The following ARHGAP25 variants were observed in gnomAD, a reference collection of about 807,000 sequenced individuals.
ARHGAP25 encodes the protein Rho GTPase activating protein 25.
A neutral mutation model predicts 71.0 loss-of-function variants in ARHGAP25; 34 were observed. The ratio of observed to expected loss-of-function variants is 0.48; its 90% CI spans 0.36 to 0.64. The LOEUF is 0.64. Among genes scored for constraint, ARHGAP25 ranks in the 30% least tolerant of loss-of-function variants. The pLI is 0.00. For synonymous variants in ARHGAP25, 282 were observed against 296.5 expected (o/e 0.95, Z 0.50); for missense variants, 706 against 805.1 (o/e 0.88, Z 1.49).
At chr2:68,753,755 T>C (rs1256900328) in intron 1 of ARHGAP25, among the ~76,000 whole-genome samples, 2 of 152,258 alleles carry the variant, frequency 1.3e-5, no homozygotes, top group East Asian at 3.9e-4. Context: ...TATCACTTAA[T>C]TTTTTTCATT....
At chr2:68,782,097 C>A (rs565461737) in intron 2 of ARHGAP25, 136 bp from the exon 3 acceptor site, 3 of 733,406 alleles carry the variant, frequency 4.1e-6, no homozygotes, top group South Asian at 3.7e-5. Flanking sequence ...CCCATTAAAA[C>A]TGGGAGGCTA....
At chr2:68,741,385 T>C (rs1675514899) in intron 1 of ARHGAP25, among the ~76,000 whole-genome samples, 1 of 152,200 alleles carries the variant, frequency 6.6e-6, no homozygotes, top group African/African-American at 2.4e-5. Context: ...CAGTGCTTCC[T>C]CCTTTCTAGT....
In ARHGAP25 at chr2:68,826,287, T is replaced by C. The variant is rs1682129788; in HGVS notation, c.*93T>C. The C allele has an allele frequency of 1.7e-6, 2 of 1,174,124 alleles. No individual in the cohort carries two copies. Among genetic ancestry groups the C allele is most frequent in the Non-Finnish European group, 2.5e-6 (2 of 790,012 alleles). 72.7% of individuals were successfully genotyped at this position (1,174,124 alleles called of 1,614,324 possible). ...TGATGACGGGGAAACAAAATTATTCTCTGAGAGGGAAAGGACATTTGAGGG... is the reference window on the plus strand; with the variant it reads ...TGATGACGGGGAAACAAAATTATTCCCTGAGAGGGAAAGGACATTTGAGGG... On this transcript the variant is annotated 3_prime_UTR_variant, in exon 11 of 11. Coordinates refer to ENST00000409202, the MANE Select transcript of ARHGAP25 (RefSeq NM_001007231.3).
chr2:68,789,201 C>CT (rs1219203753), intron 4 of ARHGAP25, among the ~76,000 whole-genome samples: 2 of 151,854 alleles, frequency 1.3e-5, no homozygotes, highest in African/African-American at 4.8e-5. Context: ...CCTGGCTAAT[C>CT]TTTTTTTGTA....
In ARHGAP25 at chr2:68,822,731, C is replaced by A; in HGVS notation, c.1592C>A (p.Thr531Asn). The A allele has an allele frequency of 6.2e-7, 1 of 1,614,230 alleles. No homozygotes were observed. Among genetic ancestry groups the A allele is most frequent in the Admixed American group, 1.7e-5 (1 of 60,038 alleles). ...CAAGCCTGTGACTCCAAGGGAGATA[C>A]TCTTGCCAGTCCAAACTCTGAAACT... ...SSQACDSKGDTLASPNSETGP... is the reference protein window; with the variant it reads ...SSQACDSKGDNLASPNSETGP... Residue 531 changes from threonine (T) to asparagine (N), a missense_variant, in exon 10 of 11, where the codon ACT becomes AAT. Transcript: ENST00000409202.
intron 9 of ARHGAP25, 85 bp downstream of exon 9, chr2:68,819,404 A>G (rs758380401): frequency 1.4e-6 from 2 of 1,466,652 alleles, no homozygotes; most frequent in South Asian, 1.1e-5. Flanking sequence ...TCGGGTGGCA[A>G]TTTGGGGAGT....
intron 3 of ARHGAP25, among the ~76,000 whole-genome samples, chr2:68,784,367 T>A (rs2104394815): frequency 6.6e-6 from 1 of 152,360 alleles, no homozygotes; most frequent in Middle Eastern, 3.4e-3. Context: ...TATCATCCTC[T>A]TTTGCAAGAT....
intron 3 of ARHGAP25, among the ~76,000 whole-genome samples, chr2:68,784,002 A>C (rs1481159972): frequency 1.3e-5 from 2 of 152,154 alleles, no homozygotes; most frequent in African/African-American, 4.8e-5. Flanking sequence ...GATCCAGCTG[A>C]AGATTCACTG....
At chr2:68,713,183 C>G (rs1329121573) in intron 2 of ARHGAP25, among the ~76,000 whole-genome samples, 3 of 152,066 alleles carry the variant, frequency 2.0e-5, no homozygotes, top group Non-Finnish European at 4.4e-5. Context: ...CTTTTATTTC[C>G]TTGAGCAGTG....
Position 68,735,122 on chromosome 2 carries a change from A to G in ARHGAP25, c.-78A>G. 1 of 1,192,978 alleles carries G rather than the reference A, an allele frequency of 8.4e-7. No homozygotes were observed. Among genetic ancestry groups the G allele is most frequent in the Non-Finnish European group, 1.3e-6 (1 of 796,090 alleles). The allele number at this position is 1,192,978 out of a possible 1,614,324, so 73.9% of individuals were successfully genotyped here. On this transcript the variant is annotated 5_prime_UTR_variant, in exon 1 of 11. Transcript: ENST00000409202. Reference sequence around the variant, plus strand: ...AAAAACAGACACAAAAACAGAGGGAAAGAGTGAAAAGACAAGAAGGGCGCA... The same window carrying G: ...AAAAACAGACACAAAAACAGAGGGAGAGAGTGAAAAGACAAGAAGGGCGCA...
intron 8 of ARHGAP25, 65 bp downstream of exon 8, chr2:68,818,059 AT>A: frequency 6.3e-7 from 1 of 1,587,020 alleles, no homozygotes; most frequent in East Asian, 2.2e-5. Flanking sequence ...TCCCCCTGAT[AT>A]TTGTGCACTG....
chr2:68,765,349 T>A (rs1677059814), intron 1 of ARHGAP25, among the ~76,000 whole-genome samples: 1 of 131,148 alleles, frequency 7.6e-6, no homozygotes, highest in African/African-American at 2.8e-5. Context: ...TTTAGAGCAA[T>A]AGTTGACATG....
In ARHGAP25 at chr2:68,822,832, A is replaced by G. The variant is rs1313064886; in HGVS notation, c.1693A>G (p.Ile565Val). 1.2e-6 allele frequency: 2 copies of G among 1,613,694 alleles called. No individual in the cohort carries two copies. Among genetic ancestry groups the G allele is most frequent in the Admixed American group, 1.7e-5 (1 of 59,922 alleles). ...QRMVQELRKE[I>V]ETQKQMYEEQ... ...GATGGTCCAAGAGCTACGAAAGGAA[A>G]TAGAAACACAGAAGCAAATGTATGA... Residue 565 changes from isoleucine to valine, a missense_variant, in exon 10 of 11, where the codon ATA (isoleucine) becomes GTA (valine). Ile to Val is a conservative substitution (Grantham distance 29). Transcript: ENST00000409202.
chr2:68,792,192 T>C (rs1347063306), intron 4 of ARHGAP25, among the ~76,000 whole-genome samples: 4 of 152,184 alleles, frequency 2.6e-5, no homozygotes, highest in African/African-American at 9.7e-5. Flanking sequence ...GAGGAAACAA[T>C]GCATTACATT....
upstream of ARHGAP25, among the ~76,000 whole-genome samples, chr2:68,734,002 T>C (rs1675095624): frequency 6.6e-6 from 1 of 152,240 alleles, no homozygotes; most frequent in East Asian, 1.9e-4. Flanking sequence ...TGACTACCAG[T>C]GATCTGTTTC....
intron 4 of ARHGAP25, among the ~76,000 whole-genome samples, chr2:68,802,712 A>T (rs1680081647): frequency 1.1e-5 from 1 of 88,864 alleles, no homozygotes; most frequent in African/African-American, 4.9e-5. Context: ...GGAGAAAGAG[A>T]GAGAGAGAGA....
chr2:68,819,775 C>T lies in ARHGAP25; in HGVS notation c.1200+456C>T, dbSNP rs111299485. 929 of 356,886 alleles carry T rather than the reference C, an allele frequency of 2.6e-3. 1 individual carries two copies. Among genetic ancestry groups the T allele is most frequent in the South Asian group, 9.4e-3 (129 of 13,754 alleles). 22.1% of individuals were successfully genotyped at this position (356,886 alleles called of 1,614,324 possible). On this transcript the variant is annotated intron_variant, in intron 9 of 10. Transcript: ENST00000409202. ...TGTTTGTGTAATATTTCTCATTCCT[C>T]GATAAGCCGTCTCAGCCATGTCAGC...
At chr2:68,743,396 A>G (rs1675629064) in intron 1 of ARHGAP25, among the ~76,000 whole-genome samples, 1 of 152,212 alleles carries the variant, frequency 6.6e-6, no homozygotes, top group African/African-American at 2.4e-5. Context: ...CTGGCCTACC[A>G]TTCTCTTTCA....
chr2:68,768,439 T>C (rs1266640487), intron 1 of ARHGAP25, among the ~76,000 whole-genome samples: 1 of 152,208 alleles, frequency 6.6e-6, no homozygotes, highest in Non-Finnish European at 1.5e-5. Context: ...CTAAAACATT[T>C]ATTTTATTAA....
Sources: allele counts gnomAD v4.1 joint callset (sites outside exome capture counted in the v4.1 genomes callset), GRCh38; gene constraint gnomAD v4.1.1; transcripts MANE v1.5; gene names NCBI Gene and HGNC (gene_info 2026-07-23, HGNC 2026-07-21).